Variants in RELN observed in about 807,000 individuals in gnomAD.
RELN encodes the protein reelin.
RELN carries 108 observed loss-of-function variants against 427.6 expected under a neutral mutation model. The ratio of observed to expected loss-of-function variants is 0.25; its 90% confidence interval spans 0.22 to 0.30. RELN has a LOEUF of 0.30. RELN is among the 10% of genes least tolerant of loss of function. The pLI is 1.00. For synonymous variants in RELN, 1,524 were observed against 1,513.4 expected (o/e 1.01, Z -0.16); for missense variants, 3,715 against 4,302.8 (o/e 0.86, Z 3.82).
rs544001694 is a variant in RELN at position 103,849,882 on chromosome 7, G to A, written c.338-16210C>T. On this transcript the variant is annotated intron_variant, in intron 2 of 64. Transcript: ENST00000428762. ...AGTTTTTCAACTCCTGACCAAAACTGTCTTCTTTCTCTCTGTTATGGCAAA... is the reference window on the plus strand; with the variant it reads ...AGTTTTTCAACTCCTGACCAAAACTATCTTCTTTCTCTCTGTTATGGCAAA... 5.9e-5 allele frequency among the ~76,000 whole-genome samples: 9 copies of A among 152,288 alleles called. 1 individual carries two copies. The Middle Eastern group carries it at 0.01, about 173-fold the overall frequency.
chr7:103,741,254 G>T (rs1357243165), intron 6 of RELN, among the ~76,000 whole-genome samples: 8 of 152,092 alleles, frequency 5.3e-5, no homozygotes, highest in Admixed American at 2.0e-4. Flanking sequence ...CTAGATGCTT[G>T]TTTCTGACTT....
chr7:103,896,559 A>G (rs1335138244), intron 2 of RELN, among the ~76,000 whole-genome samples: 1 of 152,114 alleles, frequency 6.6e-6, no homozygotes, highest in Non-Finnish European at 1.5e-5. Context: ...AAACTAATCT[A>G]TGGTTGAATA....
chr7:103,655,704 T>C lies in RELN; in HGVS notation c.1442-1499A>G, dbSNP rs1833009667. Reference sequence around the variant, plus strand: ...AAGGAATATTAGACAAAAGTAGATATCAGAGGGCAAGACTTTCATAGGATG... The same window carrying C: ...AAGGAATATTAGACAAAAGTAGATACCAGAGGGCAAGACTTTCATAGGATG... On this transcript the variant is annotated intron_variant, in intron 12 of 64. Transcript: ENST00000428762. Among the ~76,000 whole-genome samples, 4 of 152,032 alleles carry C rather than the reference T, an allele frequency of 2.6e-5. No homozygotes were observed. In the South Asian group the frequency reaches 6.2e-4, roughly 24 times the overall value.
Position 103,482,866 on chromosome 7 carries a change from TACTC to T in RELN, c.10280+3_10280+6del. ...TGGACATGGGATGCCATGTAATAGA[TACTC>T]ACAGGACGACCTCCACATGGTCCAA... On this transcript the variant is annotated splice_donor_5th_base_variant and intron_variant, in intron 63 of 64. Coordinates refer to ENST00000428762, the MANE Select transcript of RELN (RefSeq NM_005045.4). The T allele has an allele frequency of 6.2e-7, 1 of 1,614,080 alleles. No homozygotes were observed. Among genetic ancestry groups the T allele is most frequent in the Non-Finnish European group, 8.5e-7 (1 of 1,179,958 alleles).
chr7:103,981,713 T>C (rs1280211776), intron 1 of RELN, among the ~76,000 whole-genome samples: 3 of 152,242 alleles, frequency 2.0e-5, no homozygotes, highest in Non-Finnish European at 4.4e-5. Flanking sequence ...CCCAGCTCCC[T>C]CTAAAGTTTT....
intron 7 of RELN, among the ~76,000 whole-genome samples, chr7:103,724,425 T>C (rs150559895): frequency 6.6e-6 from 1 of 152,280 alleles, no homozygotes; most frequent in Non-Finnish European, 1.5e-5. Context: ...CATGTGAATA[T>C]CAAAATATCT....
intron 3 of RELN, among the ~76,000 whole-genome samples, chr7:103,828,200 T>C (rs1793188168): frequency 1.3e-5 from 2 of 152,054 alleles, no homozygotes; most frequent in East Asian, 1.9e-4. Context: ...TAAAGGCATC[T>C]GAGATACACT....
intron 4 of RELN, among the ~76,000 whole-genome samples, chr7:103,765,239 C>G (rs1791400573): frequency 6.6e-6 from 1 of 152,184 alleles, no homozygotes; most frequent in African/African-American, 2.4e-5. Context: ...AAAGAGAAAG[C>G]ACAATTGGAG....
In RELN at chr7:103,522,110, G is replaced by T. The variant is rs114620403; in HGVS notation, c.7580C>A (p.Ser2527Tyr). ...QLKDNFNRAPSSQNWLTVNGG... is the reference protein window; with the variant it reads ...QLKDNFNRAPYSQNWLTVNGG... ...GTTCACAGTCAGCCAGTTCTGACTG[G>T]ATGGAGCTCGATTGAAGTTGTCTTT... is the stretch of plus-strand genomic sequence containing the variant. Residue 2527 changes from serine (S) to tyrosine (Y), a missense_variant, in exon 48 of 65, where the codon TCC (serine) becomes TAC (tyrosine). Coordinates refer to ENST00000428762, the MANE Select transcript of RELN (RefSeq NM_005045.4). 9.4e-5 allele frequency: 152 copies of T among 1,614,014 alleles called. No homozygotes were observed. In the African/African-American group the frequency reaches 1.8e-3, roughly 19 times the overall value.
chr7:103,722,037 T>C (rs496907), intron 8 of RELN, among the ~76,000 whole-genome samples: 115,265 of 152,084 alleles, frequency 0.76, 44,778 homozygotes, highest in African/African-American at 0.94. Flanking sequence ...TTTTGTTTTT[T>C]CTAACACTTT....
At chr7:103,777,669 C>T (rs1164534470) in intron 3 of RELN, among the ~76,000 whole-genome samples, 2 of 152,154 alleles carry the variant, frequency 1.3e-5, no homozygotes, top group Non-Finnish European at 2.9e-5. Flanking sequence ...TGGCTCCCAA[C>T]ATTCCTTGCT....
chr7:103,564,064 C>T (rs1830694124), intron 34 of RELN, among the ~76,000 whole-genome samples: 1 of 152,192 alleles, frequency 6.6e-6, no homozygotes, highest in African/African-American at 2.4e-5. Context: ...TGGATCCTGG[C>T]ATCAGCTTAT....
At chr7:103,678,320 G>A (rs1833582333) in intron 11 of RELN, among the ~76,000 whole-genome samples, 1 of 152,172 alleles carries the variant, frequency 6.6e-6, no homozygotes, top group African/African-American at 2.4e-5. Context: ...ATTAAATGAT[G>A]TGTTTGTAAG....
chr7:103,728,243 C>T (rs556288102), intron 6 of RELN, 36 bp from the exon 7 acceptor site: 2 of 1,588,972 alleles, frequency 1.3e-6, no homozygotes, highest in East Asian at 2.2e-5. Flanking sequence ...CGTCTGAGAA[C>T]TAAGTAGCAC....
chr7:103,630,142 G>T lies in RELN; in HGVS notation c.2500C>A (p.Gln834Lys). Reference protein sequence around the residue: ...ISVELPGDAKQFGIQFRWWQP... With the variant: ...ISVELPGDAKKFGIQFRWWQP... ...CACCATCTGAACTGAATTCCAAACT[G>T]CTTTGCATCACCTGGTAGTTCTACG... Residue 834 changes from glutamine to lysine, a missense_variant, in exon 20 of 65, where the codon CAG becomes AAG. Physicochemically the swap from Gln to Lys is moderately conservative, Grantham distance 53. Coordinates refer to ENST00000428762, the MANE Select transcript of RELN (RefSeq NM_005045.4). The T allele has an allele frequency of 6.2e-7, 1 of 1,612,692 alleles. No individual in the cohort carries two copies. Among genetic ancestry groups the T allele is most frequent in the African/African-American group, 1.3e-5 (1 of 74,838 alleles).
rs1455683937 is a variant in RELN, at chr7:103,594,318, T to G, written c.3711+3A>C. The G allele has an allele frequency of 6.2e-7, 1 of 1,613,192 alleles. No individual in the cohort carries two copies. Among genetic ancestry groups the G allele is most frequent in the South Asian group, 1.1e-5 (1 of 91,066 alleles). ...TTCTTGGAGTTCAGACATAGGAGAA[T>G]ACCTGAGGTAAAGTTGGATTGATAA... On this transcript the variant is annotated splice_donor_region_variant and intron_variant, in intron 26 of 64. Transcript: ENST00000428762.
chr7:103,878,343 A>G (rs1457374964), intron 2 of RELN, among the ~76,000 whole-genome samples: 1 of 152,210 alleles, frequency 6.6e-6, no homozygotes, highest in Non-Finnish European at 1.5e-5. Context: ...GACTTAGTCA[A>G]CATTGTATCT....
chr7:103,833,629 A>T lies in RELN; in HGVS notation c.381T>A (p.Ser127Arg), dbSNP rs746953713. The T allele has an allele frequency of 1.2e-6, 2 of 1,613,720 alleles. No homozygotes were observed. Among genetic ancestry groups the T allele is most frequent in the Non-Finnish European group, 1.7e-6 (2 of 1,179,636 alleles). The change falls in exon 3 of 65, where the codon AGT becomes AGA. Residue 127 changes from serine (S) to arginine (R), a missense_variant. Coordinates refer to ENST00000428762, the MANE Select transcript of RELN (RefSeq NM_005045.4). ...DHQFGNQFMC[S>R]VVASHVSHLP... ...GGTGACTCACGTGAGAGGCTACCAC[A>T]CTGCACATAAACTGGTTACCAAACT...
rs3914127 is a variant in RELN at position 103,868,921 on chromosome 7, C to G, written c.338-35249G>C. Among the ~76,000 whole-genome samples, 131 of 152,056 alleles carry G rather than the reference C, an allele frequency of 8.6e-4. 1 individual carries two copies. The Middle Eastern group carries it at 0.014, about 16-fold the overall frequency. On this transcript the variant is annotated intron_variant, in intron 2 of 64. Transcript: ENST00000428762. Reference sequence around the variant, plus strand: ...CAGAGTATATATTTTCACTTTCAATCTATTTGCTTTTTTTCTAATTAAAAT... The same window carrying G: ...CAGAGTATATATTTTCACTTTCAATGTATTTGCTTTTTTTCTAATTAAAAT...
Sources: gnomAD v4.1 joint callset for allele counts (sites outside exome capture counted in the v4.1 genomes callset) on GRCh38, gnomAD v4.1.1 for gene constraint, MANE v1.5 for transcripts, NCBI Gene and HGNC (gene_info 2026-07-23, HGNC 2026-07-21) for gene names.